The following POMT2 variants were observed in gnomAD, a reference collection of about 807,000 sequenced individuals.
POMT2 encodes the protein protein O-mannosyl-transferase 2.
A neutral mutation model predicts 100.0 loss-of-function variants in POMT2; 75 were observed. The ratio of observed to expected loss-of-function variants is 0.75; its 90% CI spans 0.62 to 0.91. The LOEUF is 0.91. Ranked by LOEUF, POMT2 falls within the 40% of genes least tolerant of loss-of-function variation. The pLI is 0.00. For missense variants in POMT2, 940 were observed against 955.1 expected (o/e 0.98, Z 0.21); for synonymous variants, 378 against 374.1 (o/e 1.01, Z -0.12).
At chr14:77,294,712 C>T (rs535674172) in intron 9 of POMT2, among the ~76,000 whole-genome samples, 5 of 152,302 alleles carry the variant, frequency 3.3e-5, no homozygotes, top group South Asian at 4.1e-4. Context: ...TGCCTTCCAC[C>T]GGGGTTGTGA....
chr14:77,315,948 T>A (rs147463718), intron 1 of POMT2, among the ~76,000 whole-genome samples: 8,106 of 152,118 alleles, frequency 0.053, 265 homozygotes, highest in South Asian at 0.08. Context: ...GAGGCAGAGG[T>A]TGCAGTGAGC....
chr14:77,298,181 T>C (rs911712039), intron 8 of POMT2, among the ~76,000 whole-genome samples: 3 of 152,174 alleles, frequency 2.0e-5, no homozygotes, highest in Non-Finnish European at 2.9e-5. Flanking sequence ...GAACCTCTGA[T>C]GCCCTTAACC....
Position 77,279,891 on chromosome 14 carries a change from T to G in POMT2, c.1823A>C (p.Tyr608Ser), listed in dbSNP as rs1287466396. The G allele has an allele frequency of 6.2e-7, 1 of 1,613,710 alleles. No homozygotes were observed. Among genetic ancestry groups the G allele is most frequent in the East Asian group, 2.2e-5 (1 of 44,864 alleles). Residue 608 changes from tyrosine (Y) to serine (S), a missense_variant, in exon 18 of 21, where the codon TAC (tyrosine) becomes TCC (serine). Physicochemically the swap from Tyr to Ser is moderately radical, Grantham distance 144. Coordinates refer to ENST00000261534, the MANE Select transcript of POMT2 (RefSeq NM_013382.7). ...WWLNLLSIAL[Y>S]LLSGSIIAVA... ...AGCAATGATGCTCCCTGAGAGGAGG[T>G]AGAGGGCGATGCTCAACAGATTCAG...
chr14:77,308,018 C>T (rs1260506196), intron 2 of POMT2, among the ~76,000 whole-genome samples: 11 of 152,040 alleles, frequency 7.2e-5, no homozygotes, highest in Middle Eastern at 3.4e-3. Flanking sequence ...TCTGCCACCA[C>T]GCCCGGCTAA....
At chr14:77,296,620 G>C in intron 8 of POMT2, 2 of 314,538 alleles carry the variant, frequency 6.4e-6, no homozygotes, top group East Asian at 1.4e-4. Flanking sequence ...TTCTGTCTTC[G>C]CCTGGAATGT....
chr14:77,294,482 C>A (rs1220312455), intron 9 of POMT2, among the ~76,000 whole-genome samples: 1 of 152,140 alleles, frequency 6.6e-6, no homozygotes, highest in African/African-American at 2.4e-5. Context: ...CCATCAAGCC[C>A]GAGTAATTTT....
In POMT2 at chr14:77,284,958, T is replaced by G. The variant is rs886042386; in HGVS notation, c.1568A>C (p.Asn523Thr). ...NSIWNVEDHI[N>T]PKLPNISLDV... is the part of the protein sequence containing the mutation. ...AAAGTGACCTCACTCACACTTGGGA[T>G]TGATATGGTCCTCCACATTCCAGAT... The change falls in exon 14 of 21, where the codon AAT (asparagine) becomes ACT (threonine). Residue 523 changes from asparagine (N) to threonine (T), a missense_variant. Coordinates refer to ENST00000261534, the MANE Select transcript of POMT2 (RefSeq NM_013382.7). The G allele has an allele frequency of 1.9e-6, 3 of 1,608,422 alleles. No individual in the cohort carries two copies. In the East Asian group the frequency reaches 6.7e-5, roughly 36 times the overall value.
intron 1 of POMT2, among the ~76,000 whole-genome samples, chr14:77,317,158 G>C (rs201666279): frequency 6.6e-6 from 1 of 152,246 alleles, no homozygotes; most frequent in Non-Finnish European, 1.5e-5. Context: ...CCAGACTTGT[G>C]ACTCCTGCCA....
chr14:77,302,807 C>A lies in POMT2; in HGVS notation c.656+28G>T, dbSNP rs778307696. On this transcript the variant is annotated intron_variant, in intron 5 of 20. Coordinates refer to ENST00000261534, the MANE Select transcript of POMT2 (RefSeq NM_013382.7). The stretch of plus-strand genomic sequence containing the variant: ...TTTGGAGTTGCCACAGCTTCCAACC[C>A]TCCCCTCCCGGGGATGGAGTTTCTG... 9.5e-6 allele frequency: 15 copies of A among 1,573,228 alleles called. No individual in the cohort carries two copies. In the East Asian group the frequency reaches 3.4e-4, roughly 35 times the overall value.
intron 6 of POMT2, 189 bp downstream of exon 6, chr14:77,300,901 C>T (rs1891010090): frequency 1.1e-6 from 1 of 886,596 alleles, no homozygotes; most frequent in Admixed American, 2.2e-5. Context: ...TCCCTTGAAC[C>T]CTATCCAGTC....
At position 77,308,676 on chromosome 14, in the gene POMT2, A is replaced by G. The variant is rs1480902932; in HGVS notation, c.334-2235T>C. 2.0e-5 allele frequency: 8 copies of G among 406,022 alleles called. No homozygotes were observed. In the Admixed American group the frequency reaches 2.6e-4, roughly 13 times the overall value. The allele number at this position is 406,022 out of a possible 1,614,324, so 25.2% of individuals were successfully genotyped here. ...CGGCCAACAAAGTTTTTAAAGTATGATCGTACCAGTGCTGGCAATGATGTG... is the reference window on the plus strand; with the variant it reads ...CGGCCAACAAAGTTTTTAAAGTATGGTCGTACCAGTGCTGGCAATGATGTG... On this transcript the variant is annotated intron_variant, in intron 2 of 20. Coordinates refer to ENST00000261534, the MANE Select transcript of POMT2 (RefSeq NM_013382.7).
Position 77,278,467 on chromosome 14 carries a change from A to G in POMT2, c.2074T>C (p.Leu692=). ...DTLLRLCAWG[L]ASWPLARGIH... Reference sequence around the variant, plus strand: ...CCCCTCGCCAGGGGCCATGAGGCCAAGCCCCAGGCACAGAGCCGCAGGAGG... The same window carrying G: ...CCCCTCGCCAGGGGCCATGAGGCCAGGCCCCAGGCACAGAGCCGCAGGAGG... The change falls in exon 20 of 21, where the codon TTG becomes CTG. Residue 692 remains leucine (L), a synonymous_variant. Coordinates refer to ENST00000261534, the MANE Select transcript of POMT2 (RefSeq NM_013382.7). The G allele has an allele frequency of 1.3e-6, 2 of 1,505,790 alleles. No individual in the cohort carries two copies. The highest frequency in any genetic ancestry group is 1.8e-6 in the Non-Finnish European group (2 of 1,105,464). 93.3% of individuals were successfully genotyped at this position (1,505,790 alleles called of 1,614,324 possible). A position where few individuals can be genotyped will look rare whatever the true frequency, so the allele number is the denominator to read the frequency against.
In POMT2 at chr14:77,277,087, C is replaced by A. The variant is rs886050823; in HGVS notation, c.*289G>T. 1 of 481,674 alleles carries A rather than the reference C, an allele frequency of 2.1e-6. No individual in the cohort carries two copies. Among genetic ancestry groups the A allele is most frequent in the Middle Eastern group, 5.8e-4 (1 of 1,714 alleles). The allele number at this position is 481,674 out of a possible 1,614,324, so 29.8% of individuals were successfully genotyped here. A position where few individuals can be genotyped will look rare whatever the true frequency, so the allele number is the denominator to read the frequency against. ...CAACATGCCCTCACATACACACACG[C>A]GCACCCACTCCCACCCTCTGGCACC... On this transcript the variant is annotated 3_prime_UTR_variant, in exon 21 of 21. Transcript: ENST00000261534.
intron 1 of POMT2, 185 bp from the exon 2 acceptor site, chr14:77,312,218 G>C (rs1196615343): frequency 3.0e-6 from 3 of 995,498 alleles, no homozygotes; most frequent in Non-Finnish European, 1.4e-6. Context: ...CTGGCCACTG[G>C]TCTTCATTTA....
At chr14:77,310,416 G>A (rs1032287558) in intron 2 of POMT2, among the ~76,000 whole-genome samples, 1 of 152,182 alleles carries the variant, frequency 6.6e-6, no homozygotes, top group Non-Finnish European at 1.5e-5. Context: ...CCTCTAAGGT[G>A]ACTAGAACAG....
At chr14:77,277,519 C>G in intron 20 of POMT2, 38 bp from the exon 21 acceptor site, 1 of 1,453,558 alleles carries the variant, frequency 6.9e-7, no homozygotes, top group Non-Finnish European at 9.7e-7. Context: ...TTGGCACCCC[C>G]AGTGCCTCAG....
At chr14:77,299,653 T>A in intron 6 of POMT2, 92 bp from the exon 7 acceptor site, 4 of 956,738 alleles carry the variant, frequency 4.2e-6, no homozygotes, top group Non-Finnish European at 6.7e-6. Context: ...TTTTAATATA[T>A]CAGTCATAAT....
chr14:77,301,731 A>C (rs1156788100), intron 5 of POMT2, among the ~76,000 whole-genome samples: 2 of 152,176 alleles, frequency 1.3e-5, no homozygotes, highest in Admixed American at 1.3e-4. Context: ...CACACAGAGG[A>C]TCCTGTCACT....
intron 2 of POMT2, among the ~76,000 whole-genome samples, chr14:77,307,397 T>C (rs914131498): frequency 6.6e-6 from 1 of 152,170 alleles, no homozygotes; most frequent in Non-Finnish European, 1.5e-5. Flanking sequence ...TCTCTATAGC[T>C]CCAGGTCAAG....
Sources: allele counts gnomAD v4.1 joint callset (sites outside exome capture counted in the v4.1 genomes callset), GRCh38; gene constraint gnomAD v4.1.1; transcripts MANE v1.5; gene names NCBI Gene and HGNC (gene_info 2026-07-23, HGNC 2026-07-21).